The following SHROOM3 variants were observed in gnomAD, a reference collection of about 807,000 sequenced individuals.
SHROOM3 encodes the protein protein Shroom3.
SHROOM3 carries 47 observed loss-of-function variants against 138.6 expected under a neutral mutation model. The observed-to-expected ratio is 0.34, with a 90% confidence interval of 0.27 to 0.43. The LOEUF (loss-of-function observed/expected upper bound fraction) is 0.43. Among genes scored for constraint, SHROOM3 ranks in the 20% least tolerant of loss-of-function variants. The pLI is 1.00. For synonymous variants in SHROOM3, 1,062 were observed against 1,063.3 expected, an observed-to-expected ratio of 1.00 and a Z score of 0.02; for missense variants, 2,491 against 2,596.5, an observed-to-expected ratio of 0.96 and a Z score of 0.88.
rs1010945899 is a variant in SHROOM3, at chr4:76,693,588, T to C, written c.324-16568T>C. 7.7e-4 allele frequency among the ~76,000 whole-genome samples: 117 copies of C among 152,036 alleles called. 1 individual carries two copies. Among genetic ancestry groups the C allele is most frequent in the Non-Finnish European group, 2.9e-4 (20 of 68,018 alleles). On this transcript the variant is annotated intron_variant, in intron 2 of 10. Coordinates refer to ENST00000296043, the MANE Select transcript of SHROOM3 (RefSeq NM_020859.4). ...TTTTAGTAGAGACTGGGTTTCACCA[T>C]GTTGGCCAGGATGGTCTCAATCTCT...
intron 1 of SHROOM3, among the ~76,000 whole-genome samples, chr4:76,474,457 TAAATA>T (rs748620233): frequency 3.0e-4 from 45 of 152,330 alleles, no homozygotes; most frequent in Non-Finnish European, 3.8e-4. Context: ...CTCAATAAAA[TAAATA>T]AAATACAAAG....
At chr4:76,557,055 G>A (rs1733499035) in intron 2 of SHROOM3, among the ~76,000 whole-genome samples, 2 of 152,142 alleles carry the variant, frequency 1.3e-5, no homozygotes, top group African/African-American at 4.8e-5. Flanking sequence ...GCTGTCACCT[G>A]TTAGCTGTGT....
chr4:76,527,526 T>C lies in SHROOM3; in HGVS notation c.169-28083T>C, dbSNP rs182633466. Among the ~76,000 whole-genome samples the C allele has an allele frequency of 1.9e-3, 284 of 152,302 alleles. 2 individuals carry two copies. The highest frequency in any genetic ancestry group is 6.5e-3 in the African/African-American group (269 of 41,560). ...TGAACCCGGGAGGTAGAGGTTGCAGTAAGCCGAGATCGTGCCACTGCACTC... is the reference window on the plus strand; with the variant it reads ...TGAACCCGGGAGGTAGAGGTTGCAGCAAGCCGAGATCGTGCCACTGCACTC... On this transcript the variant is annotated intron_variant, in intron 1 of 10. Transcript: ENST00000296043.
intron 2 of SHROOM3, among the ~76,000 whole-genome samples, chr4:76,655,122 A>T (rs913795552): frequency 5.9e-5 from 9 of 152,250 alleles, no homozygotes; most frequent in African/African-American, 2.2e-4. Flanking sequence ...ATATATTTAC[A>T]TATCATTTTC....
At chr4:76,602,090 C>T (rs1421848960) in intron 2 of SHROOM3, among the ~76,000 whole-genome samples, 1 of 152,184 alleles carries the variant, frequency 6.6e-6, no homozygotes, top group Non-Finnish European at 1.5e-5. Flanking sequence ...AAAGGGAAAG[C>T]TGGCTTTTCA....
At chr4:76,602,113 G>T (rs974682868) in intron 2 of SHROOM3, among the ~76,000 whole-genome samples, 3 of 152,182 alleles carry the variant, frequency 2.0e-5, no homozygotes, top group Non-Finnish European at 4.4e-5. Context: ...TACTTGCCAA[G>T]TGTGAAGCCA....
In SHROOM3 at chr4:76,740,612, G is replaced by A. The variant is rs1721217308; in HGVS notation, c.2439G>A (p.Arg813=). The stretch of plus-strand genomic sequence containing the variant: ...TTGGCCATAACTATAGGCCCCACAG[G>A]ACCGTCTCAACTTCCAGTACTTCTG... The part of the protein sequence containing the change: ...SGFGHNYRPH[R]TVSTSSTSGN... Residue 813 remains arginine, a synonymous_variant, in exon 5 of 11, where the codon AGG becomes AGA. Transcript: ENST00000296043. The surrounding 1 kb of genome is among the most constrained non-coding windows in gnomAD (Gnocchi z 4.0). The A allele has an allele frequency of 1.2e-6, 2 of 1,614,068 alleles. No individual in the cohort carries two copies. The highest frequency in any genetic ancestry group is 3.3e-5 in the Admixed American group (2 of 60,010).
chr4:76,730,846 T>C lies in SHROOM3; in HGVS notation c.498T>C (p.Thr166=). The part of the protein sequence containing the change: ...PAGRPHSWHT[T]KSGEKQPDAS... ...GCCGACCTCACTCGTGGCACACAAC[T>C]AAATCTGGGGAGAAGCAACCCGATG... Residue 166 remains threonine, a synonymous_variant, in exon 4 of 11, where the codon ACT becomes ACC. Transcript: ENST00000296043. 6.2e-7 allele frequency: 1 copy of C among 1,614,104 alleles called. No homozygotes were observed. The highest frequency in any genetic ancestry group is 8.5e-7 in the Non-Finnish European group (1 of 1,180,024).
Position 76,739,422 on chromosome 4 carries a change from G to C in SHROOM3, c.1249G>C (p.Ala417Pro). 1 of 1,614,134 alleles carries C rather than the reference G, an allele frequency of 6.2e-7. No individual in the cohort carries two copies. Among genetic ancestry groups the C allele is most frequent in the Non-Finnish European group, 8.5e-7 (1 of 1,180,044 alleles). ...LDQKRLCRPQANSLGSLKSPF... is the reference protein window; with the variant it reads ...LDQKRLCRPQPNSLGSLKSPF... The stretch of plus-strand genomic sequence containing the variant: ...TCAGAAACGGCTCTGCCGGCCTCAG[G>C]CAAACTCTTTAGGCTCCCTGAAGTC... The change falls in exon 5 of 11, where the codon GCA becomes CCA. Residue 417 changes from alanine (A) to proline (P), a missense_variant. Ala to Pro is a conservative substitution (Grantham distance 27). Coordinates refer to ENST00000296043, the MANE Select transcript of SHROOM3 (RefSeq NM_020859.4).
chr4:76,508,005 TA>T (rs1732250127), intron 1 of SHROOM3, among the ~76,000 whole-genome samples: 1 of 152,222 alleles, frequency 6.6e-6, no homozygotes, highest in Non-Finnish European at 1.5e-5. Flanking sequence ...TTTCTCCCAT[TA>T]TCAGGGTTGT....
chr4:76,441,551 T>C (rs962484813), intron 1 of SHROOM3, among the ~76,000 whole-genome samples: 1 of 152,162 alleles, frequency 6.6e-6, no homozygotes, highest in South Asian at 2.1e-4. Context: ...CTTTTTCCCT[T>C]TCTTGCTTTT....
At chr4:76,453,375 C>G in intron 1 of SHROOM3, among the ~76,000 whole-genome samples, 1 of 151,404 alleles carries the variant, frequency 6.6e-6, no homozygotes, top group East Asian at 1.9e-4. Context: ...ACCTCCTGGG[C>G]TCAAGTGATC....
chr4:76,548,932 C>A (rs1733287104), intron 1 of SHROOM3, among the ~76,000 whole-genome samples: 1 of 152,194 alleles, frequency 6.6e-6, no homozygotes, highest in African/African-American at 2.4e-5. Context: ...CAGTCGCATT[C>A]TTGGAATAAG....
intron 2 of SHROOM3, among the ~76,000 whole-genome samples, chr4:76,574,072 G>C (rs1435246719): frequency 6.6e-6 from 1 of 152,102 alleles, no homozygotes; most frequent in Admixed American, 6.5e-5. Flanking sequence ...TCCTCCCTGA[G>C]GCTAGAAGAG....
At chr4:76,702,792 A>AG (rs1262406619) in intron 2 of SHROOM3, among the ~76,000 whole-genome samples, 1 of 152,180 alleles carries the variant, frequency 6.6e-6, no homozygotes, top group Admixed American at 6.5e-5. Context: ...GCTGTGTCAA[A>AG]GGGCTCAGTG....
intron 10 of SHROOM3, among the ~76,000 whole-genome samples, chr4:76,773,104 C>T (rs533113170): frequency 1.3e-3 from 199 of 152,090 alleles, no homozygotes; most frequent in African/African-American, 3.5e-3. Flanking sequence ...AGGCTGGGTG[C>T]AGTGGCTCAC....
rs1278082763 is a variant in SHROOM3 at position 76,590,338 on chromosome 4, G to A, written c.323+34575G>A. Among the ~76,000 whole-genome samples the A allele has an allele frequency of 2.0e-5, 3 of 152,082 alleles. No individual in the cohort carries two copies. The East Asian group carries it at 5.8e-4, about 29-fold the overall frequency. Reference sequence around the variant, plus strand: ...CCTTGACCAGGGAGGCCAGTTGCGGGTGAGCCGTCTGAAGGTGGCTGGCCT... The same window carrying A: ...CCTTGACCAGGGAGGCCAGTTGCGGATGAGCCGTCTGAAGGTGGCTGGCCT... On this transcript the variant is annotated intron_variant, in intron 2 of 10. Transcript: ENST00000296043.
chr4:76,720,613 CTTTTTT>C (rs35881578), intron 3 of SHROOM3, among the ~76,000 whole-genome samples: 1 of 135,724 alleles, frequency 7.4e-6, no homozygotes. Flanking sequence ...TGAATTCTTT[CTTTTTT>C]TTTTTTTTTT....
intron 1 of SHROOM3, among the ~76,000 whole-genome samples, chr4:76,439,514 C>A (rs574266478): frequency 3.3e-5 from 5 of 152,130 alleles, no homozygotes; most frequent in Non-Finnish European, 7.4e-5. Flanking sequence ...TAAGGCAGTA[C>A]CAGGGATGAG....
Sources: allele counts gnomAD v4.1 joint callset (sites outside exome capture counted in the v4.1 genomes callset), GRCh38; gene constraint gnomAD v4.1.1; non-coding constraint Gnocchi (gnomAD v3.1); transcripts MANE v1.5; gene names NCBI Gene and HGNC (gene_info 2026-07-23, HGNC 2026-07-21).